Variants in FRMD4A observed in about 807,000 individuals in gnomAD.
The protein encoded by FRMD4A is FERM domain-containing protein 4A.
FRMD4A carries 29 observed loss-of-function variants against 129.1 expected under a neutral mutation model. The ratio of observed to expected loss-of-function variants is 0.22; its 90% confidence interval spans 0.17 to 0.31. FRMD4A has a LOEUF of 0.31. FRMD4A is among the 10% of genes least tolerant of loss of function. The pLI is 1.00. For synonymous variants in FRMD4A, 634 were observed against 571.6 expected (o/e 1.11, Z -1.56); for missense variants, 1,272 against 1,375.8 (o/e 0.92, Z 1.19).
intron 2 of FRMD4A, among the ~76,000 whole-genome samples, chr10:13,896,410 A>G (rs1043487990): frequency 1.3e-5 from 2 of 152,168 alleles, no homozygotes; most frequent in Non-Finnish European, 2.9e-5. Context: ...TCAGCAAACT[A>G]ACACAGGAAC....
At chr10:13,653,984 C>G (rs1239550494) in intron 23 of FRMD4A, 1 of 253,788 alleles carries the variant, frequency 3.9e-6, no homozygotes, top group Non-Finnish European at 7.2e-6. Context: ...TTCTTGCACC[C>G]TGAGACATCC....
intron 2 of FRMD4A, among the ~76,000 whole-genome samples, chr10:14,308,771 A>C (rs1482324943): frequency 1.3e-5 from 2 of 151,836 alleles, no homozygotes; most frequent in Non-Finnish European, 3.0e-5. Flanking sequence ...CAGGCAATAC[A>C]AACCAGTCCC....
At chr10:14,005,181 C>T (rs1407229689) in intron 2 of FRMD4A, among the ~76,000 whole-genome samples, 1 of 152,090 alleles carries the variant, frequency 6.6e-6, no homozygotes, top group Non-Finnish European at 1.5e-5. Context: ...TACCACCACG[C>T]CTGGCTAATT....
At chr10:13,972,184 C>A in intron 2 of FRMD4A, 3 of 1,023,138 alleles carry the variant, frequency 2.9e-6, no homozygotes, top group Non-Finnish European at 3.5e-6. Context: ...GACCTCAGAC[C>A]CAGAAGCACC....
At chr10:13,833,897 G>A (rs996968546) in intron 3 of FRMD4A, among the ~76,000 whole-genome samples, 1 of 152,100 alleles carries the variant, frequency 6.6e-6, no homozygotes, top group South Asian at 2.1e-4. Flanking sequence ...GCGCTTAAAA[G>A]TTAAGTCCAA....
At chr10:14,155,569 C>T (rs1350425145) in intron 2 of FRMD4A, among the ~76,000 whole-genome samples, 2 of 152,256 alleles carry the variant, frequency 1.3e-5, no homozygotes, top group East Asian at 1.9e-4. Flanking sequence ...AGCAGGTTTC[C>T]TTACATTGTT....
At chr10:13,881,234 T>C (rs1194552541) in intron 2 of FRMD4A, among the ~76,000 whole-genome samples, 1 of 140,454 alleles carries the variant, frequency 7.1e-6, no homozygotes, top group East Asian at 2.1e-4. Context: ...CAAGGCAATC[T>C]AGTGAGACCC....
intron 2 of FRMD4A, among the ~76,000 whole-genome samples, chr10:14,266,753 G>A (rs959044922): frequency 6.6e-6 from 1 of 152,146 alleles, no homozygotes. Context: ...TCCAAGAAAT[G>A]TAATTGCAAA....
At chr10:13,930,596 T>C (rs534150053) in intron 2 of FRMD4A, among the ~76,000 whole-genome samples, 53 of 152,224 alleles carry the variant, frequency 3.5e-4, no homozygotes, top group African/African-American at 1.0e-3. Flanking sequence ...CCCAGTCCCA[T>C]GCAAAGAGTG....
At chr10:14,091,275 C>T (rs1588954609) in intron 2 of FRMD4A, among the ~76,000 whole-genome samples, 4 of 151,926 alleles carry the variant, frequency 2.6e-5, no homozygotes, top group South Asian at 2.1e-4. Flanking sequence ...GTATCTCTCA[C>T]ATGGCATTAA....
intron 2 of FRMD4A, among the ~76,000 whole-genome samples, chr10:14,020,436 T>G (rs559375625): frequency 6.6e-6 from 1 of 152,170 alleles, no homozygotes; most frequent in Non-Finnish European, 1.5e-5. Flanking sequence ...TGCCATCAGC[T>G]ATAGAGGAAA....
intron 5 of FRMD4A, among the ~76,000 whole-genome samples, chr10:13,788,062 C>CA (rs1232716969): frequency 1.3e-5 from 2 of 152,250 alleles, no homozygotes; most frequent in East Asian, 3.9e-4. Flanking sequence ...AGAGGGTCTG[C>CA]ATGGACAGTT....
chr10:13,696,470 T>C (rs1191058249), intron 14 of FRMD4A, among the ~76,000 whole-genome samples: 1 of 152,198 alleles, frequency 6.6e-6, no homozygotes, highest in Admixed American at 6.5e-5. Context: ...GAGCTGGGCA[T>C]GGTGGCTCAA....
At chr10:14,242,890 A>G (rs1844099431) in intron 2 of FRMD4A, among the ~76,000 whole-genome samples, 1 of 152,234 alleles carries the variant, frequency 6.6e-6, no homozygotes, top group Non-Finnish European at 1.5e-5. Context: ...GTAGATATAG[A>G]TCAAGAGGAA....
intron 2 of FRMD4A, among the ~76,000 whole-genome samples, chr10:14,046,899 G>A (rs533678941): frequency 8.3e-4 from 126 of 152,156 alleles, no homozygotes; most frequent in African/African-American, 3.0e-3. Context: ...CATGGGAGTC[G>A]CTGGTCCCTC....
At chr10:13,858,033 T>C (rs2094237527) in intron 3 of FRMD4A, among the ~76,000 whole-genome samples, 1 of 152,224 alleles carries the variant, frequency 6.6e-6, no homozygotes, top group African/African-American at 2.4e-5. Flanking sequence ...TCACAAGTGA[T>C]GCCAATGTCA....
intron 15 of FRMD4A, among the ~76,000 whole-genome samples, chr10:13,691,252 T>A (rs957333741): frequency 1.3e-5 from 2 of 152,184 alleles, no homozygotes; most frequent in Non-Finnish European, 2.9e-5. Flanking sequence ...CCTCCCAAAG[T>A]GCTGGGATTA....
intron 2 of FRMD4A, among the ~76,000 whole-genome samples, chr10:13,988,849 G>A (rs989790004): frequency 6.6e-6 from 1 of 152,128 alleles, no homozygotes; most frequent in Non-Finnish European, 1.5e-5. Context: ...CTATGAGCAT[G>A]GACGTCAGAG....
chr10:13,949,230 G>T (rs926662490), intron 2 of FRMD4A, among the ~76,000 whole-genome samples: 1 of 148,126 alleles, frequency 6.8e-6, no homozygotes, highest in African/African-American at 2.5e-5. Context: ...GACAATCAGG[G>T]TGAAAGACGT....
Sources: gnomAD v4.1 joint callset for allele counts (sites outside exome capture counted in the v4.1 genomes callset) on GRCh38, gnomAD v4.1.1 for gene constraint, MANE v1.5 for transcripts, NCBI Gene and HGNC (gene_info 2026-07-23, HGNC 2026-07-21) for gene names.